TIAM1: variants seen among roughly 807,000 people sequenced by gnomAD.
TIAM1 encodes the protein rho guanine nucleotide exchange factor TIAM1.
In TIAM1, 65 loss-of-function variants were observed where a neutral mutation model predicts 163.5. The ratio of observed to expected loss-of-function variants is 0.40; its 90% CI spans 0.33 to 0.49. The LOEUF (loss-of-function observed/expected upper bound fraction) is 0.49. Ranked by LOEUF, TIAM1 falls within the 20% of genes least tolerant of loss-of-function variation. The probability of loss-of-function intolerance (pLI) is 0.77; values close to 1 mark genes in which losing one functional copy is unlikely to be tolerated. For missense variants in TIAM1, 1,789 were observed against 2,044.7 expected (o/e 0.87, Z 2.41); for synonymous variants, 833 against 810.1 (o/e 1.03, Z -0.48).
At chr21:31,479,369 T>TTGGATGGATGGATGGATGGA (rs58755974) in intron 1 of TIAM1, among the ~76,000 whole-genome samples, 1 of 149,608 alleles carries the variant, frequency 6.7e-6, no homozygotes, top group Non-Finnish European at 1.5e-5. Flanking sequence ...GGATGGATGA[T>TTGGATGGATGGATGGATGGA]TGGATGGATG....
intron 4 of TIAM1, among the ~76,000 whole-genome samples, chr21:31,263,697 T>G (rs912791716): frequency 6.6e-6 from 1 of 152,048 alleles, no homozygotes; most frequent in African/African-American, 2.4e-5. Flanking sequence ...TTCTCAAATC[T>G]TACATAGCAT....
intron 1 of TIAM1, among the ~76,000 whole-genome samples, chr21:31,497,433 A>G (rs2046703699): frequency 6.6e-6 from 1 of 152,236 alleles, no homozygotes; most frequent in Non-Finnish European, 1.5e-5. Flanking sequence ...GATGTATGGA[A>G]TATCACCATT....
intron 2 of TIAM1, among the ~76,000 whole-genome samples, chr21:31,289,719 G>A (rs2073942991): frequency 6.6e-6 from 1 of 152,138 alleles, no homozygotes; most frequent in African/African-American, 2.4e-5. Flanking sequence ...ATCATAAGAG[G>A]ATAATCAGCC....
intron 2 of TIAM1, among the ~76,000 whole-genome samples, chr21:31,322,004 G>A (rs755148684): frequency 6.6e-6 from 1 of 152,070 alleles, no homozygotes; most frequent in African/African-American, 2.4e-5. Flanking sequence ...AGTGAGCCAA[G>A]ATCGTGCCAC....
At chr21:31,274,767 G>A (rs1462102516) in intron 3 of TIAM1, among the ~76,000 whole-genome samples, 2 of 152,168 alleles carry the variant, frequency 1.3e-5, no homozygotes, top group Admixed American at 6.5e-5. Context: ...GATTTGAGAT[G>A]CACGTTCAAC....
chr21:31,454,447 C>A (rs549199280), intron 2 of TIAM1, among the ~76,000 whole-genome samples: 1 of 152,170 alleles, frequency 6.6e-6, no homozygotes, highest in East Asian at 1.9e-4. Flanking sequence ...CCTTTCCAAG[C>A]AATCCATTCC....
rs58786753 is a variant in TIAM1 at position 31,189,044 on chromosome 21, C to CTTTTTTTT, written c.2576-1965_2576-1958dup. Among the ~76,000 whole-genome samples the CTTTTTTTT allele has an allele frequency of 4.9e-4, 34 of 70,086 alleles. 2 individuals are homozygous for CTTTTTTTT. Among genetic ancestry groups the CTTTTTTTT allele is most frequent in the Non-Finnish European group, 5.5e-4 (22 of 40,300 alleles). The allele number at this position is 70,086 out of a possible 152,430, so 46.0% of individuals were successfully genotyped here. A position where few individuals can be genotyped will look rare whatever the true frequency, so the allele number is the denominator to read the frequency against. ...TCAGGTATGATTTGCTCCATTCCCTCTTTTTTTTTTTTTTTTTTTTTTTTT... is the reference window on the plus strand; with the variant it reads ...TCAGGTATGATTTGCTCCATTCCCTCTTTTTTTTTTTTTTTTTTTTTTTTTTTTTTTTT... On this transcript the variant is annotated intron_variant, in intron 13 of 27. Transcript: ENST00000541036.
chr21:31,489,019 A>T (rs1255299542), intron 1 of TIAM1, among the ~76,000 whole-genome samples: 2 of 148,770 alleles, frequency 1.3e-5, no homozygotes, highest in Non-Finnish European at 3.0e-5. Flanking sequence ...AAAAAAAAAT[A>T]CTTGCCAAGC....
At chr21:31,357,424 T>C (rs2076333509) in intron 2 of TIAM1, among the ~76,000 whole-genome samples, 1 of 152,174 alleles carries the variant, frequency 6.6e-6, no homozygotes, top group Admixed American at 6.6e-5. Context: ...TCTCTGGTGA[T>C]CTATCTGCAT....
At chr21:31,535,418 C>G (rs983430843) in intron 1 of TIAM1, among the ~76,000 whole-genome samples, 75 of 140,728 alleles carry the variant, frequency 5.3e-4, no homozygotes, top group Non-Finnish European at 9.7e-4. Flanking sequence ...AAAGTTTATC[C>G]AGAAAGTTCT....
chr21:31,338,064 C>T (rs1026505735), intron 2 of TIAM1, among the ~76,000 whole-genome samples: 2 of 152,022 alleles, frequency 1.3e-5, no homozygotes, highest in East Asian at 1.9e-4. Flanking sequence ...CAGGTCAACC[C>T]GGAGGTTTTA....
At chr21:31,126,099 G>A (rs1423391995) in intron 26 of TIAM1, among the ~76,000 whole-genome samples, 1 of 152,102 alleles carries the variant, frequency 6.6e-6, no homozygotes, top group Non-Finnish European at 1.5e-5. Context: ...ATGAATGTAA[G>A]GTGTTTAGCA....
At chr21:31,534,470 G>A (rs540679661) in intron 1 of TIAM1, among the ~76,000 whole-genome samples, 71 of 152,300 alleles carry the variant, frequency 4.7e-4, no homozygotes, top group African/African-American at 1.6e-3. Context: ...AAGGTCAGGA[G>A]TTCAAGACCA....
intron 8 of TIAM1, among the ~76,000 whole-genome samples, chr21:31,219,729 G>T (rs545080204): frequency 6.7e-6 from 1 of 148,394 alleles, no homozygotes; most frequent in Non-Finnish European, 1.5e-5. Context: ...AGCTTAGCAC[G>T]TTAAAAAAAC....
At chr21:31,509,558 C>T (rs757252615) in intron 1 of TIAM1, among the ~76,000 whole-genome samples, 3 of 152,176 alleles carry the variant, frequency 2.0e-5, no homozygotes, top group Non-Finnish European at 4.4e-5. Context: ...AATAACCAGC[C>T]GTTTCATAGC....
intron 1 of TIAM1, among the ~76,000 whole-genome samples, chr21:31,514,523 C>CA (rs1043056393): frequency 0.053 from 4,680 of 87,862 alleles, 140 homozygotes; most frequent in African/African-American, 0.12. Context: ...ACTAAAAATA[C>CA]AAAAAAAAAA....
At chr21:31,417,362 C>A (rs1030532459) in intron 2 of TIAM1, among the ~76,000 whole-genome samples, 1 of 152,148 alleles carries the variant, frequency 6.6e-6, no homozygotes, top group Non-Finnish European at 1.5e-5. Flanking sequence ...TAAATGGACT[C>A]ATAGTTCCAC....
At chr21:31,172,157 G>A (rs977089675) in intron 15 of TIAM1, among the ~76,000 whole-genome samples, 7 of 152,264 alleles carry the variant, frequency 4.6e-5, no homozygotes, top group Admixed American at 2.0e-4. Context: ...ACAGTGGTAC[G>A]CTTCAAGGAA....
chr21:31,187,294 C>T (rs895360003), intron 13 of TIAM1, among the ~76,000 whole-genome samples: 3 of 152,120 alleles, frequency 2.0e-5, no homozygotes, highest in African/African-American at 4.8e-5. Context: ...TTACTATGTA[C>T]GTCTATCTTC....
Sources: allele counts gnomAD v4.1 joint callset (sites outside exome capture counted in the v4.1 genomes callset), GRCh38; gene constraint gnomAD v4.1.1; transcripts MANE v1.5; gene names NCBI Gene and HGNC (gene_info 2026-07-23, HGNC 2026-07-21).